Variants in PCDHA3 observed in about 807,000 individuals in gnomAD.
The protein encoded by PCDHA3 is protocadherin alpha-3.
In PCDHA3, 41 loss-of-function variants were observed where a neutral mutation model predicts 62.2. The observed-to-expected ratio is 0.66, with a 90% CI of 0.51 to 0.86. The LOEUF (loss-of-function observed/expected upper bound fraction) is 0.86. PCDHA3 is among the 40% of genes least tolerant of loss of function. The probability of loss-of-function intolerance (pLI) is 0.00; values close to 1 mark genes in which losing one functional copy is unlikely to be tolerated. For synonymous variants in PCDHA3, 640 were observed against 555.4 expected (o/e 1.15, Z -2.14); for missense variants, 1,304 against 1,241.2 (o/e 1.05, Z -0.76).
At position 140,842,101 on chromosome 5, in the gene PCDHA3, A is replaced by G; in HGVS notation, c.2394+38510A>G. 6.2e-7 allele frequency: 1 copy of G among 1,613,930 alleles called. No individual in the cohort carries two copies. The highest frequency in any genetic ancestry group is 8.5e-7 in the Non-Finnish European group (1 of 1,179,886). ...TCGAAAACGCAGACAACGGAACAAC[A>G]GTTATCAAACTGAATGCTTCTGATC... is the stretch of plus-strand genomic sequence containing the variant. On this transcript the variant is annotated intron_variant, in intron 1 of 3. Coordinates refer to ENST00000522353, the MANE Select transcript of PCDHA3 (RefSeq NM_018906.3).
chr5:140,871,419 C>T, intron 1 of PCDHA3: 1 of 1,613,732 alleles, frequency 6.2e-7, no homozygotes, highest in South Asian at 1.1e-5. Flanking sequence ...TGGCCTTCAG[C>T]CCCAGTCTTC....
intron 1 of PCDHA3, among the ~76,000 whole-genome samples, chr5:140,964,836 T>G (rs1306843318): frequency 1.3e-5 from 2 of 152,148 alleles, no homozygotes; most frequent in African/African-American, 4.8e-5. Flanking sequence ...AATTGCTTCC[T>G]ACTCTGTACC....
intron 1 of PCDHA3, chr5:140,869,869 G>T: frequency 6.2e-7 from 1 of 1,610,244 alleles, no homozygotes; most frequent in Non-Finnish European, 8.5e-7. Flanking sequence ...GGAAAATGCT[G>T]CTAAAGAAAC....
In PCDHA3 at chr5:140,886,699, G is replaced by A. The variant is rs540537249; in HGVS notation, c.2394+83108G>A. Among the ~76,000 whole-genome samples the A allele has an allele frequency of 7.8e-4, 119 of 151,966 alleles. 1 individual carries two copies. In the East Asian group the frequency reaches 0.01, roughly 13 times the overall value. ...AAATTAGCGAGGCATGGTGGCACGC[G>A]CCTGTAATCCCAGCTACTTGGGAGG... On this transcript the variant is annotated intron_variant, in intron 1 of 3. Transcript: ENST00000522353.
intron 1 of PCDHA3, chr5:140,966,947 G>A (rs782439197): frequency 6.2e-7 from 1 of 1,603,520 alleles, no homozygotes; most frequent in Middle Eastern, 1.7e-4. Context: ...CGTGGGCAAC[G>A]TGGCTCGCGC....
At chr5:140,851,252 GTATTT>G (rs1434639310) in intron 1 of PCDHA3, 2 of 1,089,048 alleles carry the variant, frequency 1.8e-6, no homozygotes, top group Non-Finnish European at 2.3e-6. Context: ...ATGATGCATA[GTATTT>G]TAGTCTACTT....
chr5:140,993,265 C>A (rs1196226593), intron 3 of PCDHA3, among the ~76,000 whole-genome samples: 1 of 152,062 alleles, frequency 6.6e-6, no homozygotes, highest in Non-Finnish European at 1.5e-5. Flanking sequence ...AAATTAGCTT[C>A]TTTGGTCTTT....
chr5:140,859,825 T>A (rs752840072), intron 1 of PCDHA3: 18 of 152,366 alleles, frequency 1.2e-4, no homozygotes, highest in Non-Finnish European at 2.3e-4. Context: ...AGTTTAGAAG[T>A]GTATTTGTTA....
intron 1 of PCDHA3, chr5:140,859,513 T>C: frequency 5.1e-6 from 1 of 196,260 alleles, no homozygotes; most frequent in Non-Finnish European, 1.0e-5. Context: ...ACCCATGATT[T>C]CATTTTTAAA....
intron 1 of PCDHA3, chr5:140,843,118 C>T: frequency 6.3e-7 from 1 of 1,595,834 alleles, no homozygotes; most frequent in Non-Finnish European, 8.6e-7. Flanking sequence ...CAGTGGACGC[C>T]GACTCGGGCT....
intron 1 of PCDHA3, among the ~76,000 whole-genome samples, chr5:140,972,402 G>A (rs1554234110): frequency 6.6e-6 from 1 of 151,784 alleles, no homozygotes; most frequent in Non-Finnish European, 1.5e-5. Context: ...TTCACTATTG[G>A]CAAACCCTGT....
intron 1 of PCDHA3, among the ~76,000 whole-genome samples, chr5:140,885,454 C>T (rs2060601415): frequency 6.6e-6 from 1 of 152,054 alleles, no homozygotes; most frequent in Admixed American, 6.5e-5. Flanking sequence ...TATTATTTAC[C>T]TAATGATGGG....
intron 1 of PCDHA3, chr5:140,852,361 T>A (rs1235352793): frequency 4.9e-6 from 1 of 205,518 alleles, no homozygotes; most frequent in East Asian, 1.9e-4. Context: ...CACTGCAACG[T>A]CTGCCTCCTG....
Position 140,802,567 on chromosome 5 carries a change from A to C in PCDHA3, c.1370A>C (p.Gln457Pro), listed in dbSNP as rs1415125623. The change falls in exon 1 of 4, where the codon CAG (glutamine) becomes CCG (proline). Residue 457 changes from glutamine (Q) to proline (P), a missense_variant. By Grantham distance (76) the Gln-to-Pro change is moderately conservative. Transcript: ENST00000522353. Reference sequence around the variant, plus strand: ...AACGACAATGCGCCGGCATTCTCGCAGTCCGAGTACACGGTGTTCGTGAAG... The same window carrying C: ...AACGACAATGCGCCGGCATTCTCGCCGTCCGAGTACACGGTGTTCGTGAAG... ...DVNDNAPAFS[Q>P]SEYTVFVKEN... The C allele has an allele frequency of 6.2e-7, 1 of 1,613,466 alleles. No homozygotes were observed. Among genetic ancestry groups the C allele is most frequent in the East Asian group, 2.2e-5 (1 of 44,818 alleles).
At chr5:140,912,654 G>T (rs1411811349) in intron 1 of PCDHA3, among the ~76,000 whole-genome samples, 4 of 152,076 alleles carry the variant, frequency 2.6e-5, no homozygotes, top group Non-Finnish European at 5.9e-5. Flanking sequence ...GAATAGAAGT[G>T]GTGAAAATGG....
chr5:140,923,527 C>T (rs2081405445), intron 1 of PCDHA3, among the ~76,000 whole-genome samples: 1 of 151,652 alleles, frequency 6.6e-6, no homozygotes, highest in South Asian at 2.1e-4. Context: ...AGATTCTGTC[C>T]CAAAAAAAGG....
Position 140,895,882 on chromosome 5 carries a change from G to C in PCDHA3, c.2395-83067G>C, listed in dbSNP as rs1014874596. Among the ~76,000 whole-genome samples the C allele has an allele frequency of 5.3e-5, 8 of 152,250 alleles. No individual in the cohort carries two copies. The East Asian group carries it at 9.6e-4, about 18-fold the overall frequency. On this transcript the variant is annotated intron_variant, in intron 1 of 3. Coordinates refer to ENST00000522353, the MANE Select transcript of PCDHA3 (RefSeq NM_018906.3). ...GCTGGAGTGCAATGGCGCGATCTCGGCTCACTGCAACCTCCGCGTCCCGGG... is the reference window on the plus strand; with the variant it reads ...GCTGGAGTGCAATGGCGCGATCTCGCCTCACTGCAACCTCCGCGTCCCGGG...
chr5:140,863,163 G>A (rs1554157882), intron 1 of PCDHA3: 4 of 658,702 alleles, frequency 6.1e-6, no homozygotes, highest in Non-Finnish European at 1.1e-5. Flanking sequence ...ACTGCGAGCT[G>A]GCGCTGACTG....
In PCDHA3 at chr5:140,823,478, G is replaced by T. The variant is rs2150126228; in HGVS notation, c.2394+19887G>T. ...AACGCGCCGGCGCTGCTGGTGCCTC[G>T]AGTGGGTGGCACCGGCGGCGCAGTG... On this transcript the variant is annotated intron_variant, in intron 1 of 3. Transcript: ENST00000522353. The T allele has an allele frequency of 3.1e-6, 5 of 1,613,472 alleles. No individual in the cohort carries two copies. In the East Asian group the frequency reaches 8.9e-5, roughly 29 times the overall value.
Sources: allele counts gnomAD v4.1 joint callset (sites outside exome capture counted in the v4.1 genomes callset), GRCh38; gene constraint gnomAD v4.1.1; transcripts MANE v1.5; gene names NCBI Gene and HGNC (gene_info 2026-07-23, HGNC 2026-07-21).